POLI: variants seen among roughly 807,000 people sequenced by gnomAD.
POLI encodes DNA polymerase iota.
A neutral mutation model predicts 51.6 loss-of-function variants in POLI; 58 were observed. That is an observed-to-expected ratio of 1.12 (90% CI 0.91 to 1.40). POLI has a LOEUF of 1.40. POLI is among the 40% of genes most tolerant of loss of function. POLI has a pLI of 0.00. For missense variants in POLI, 921 were observed against 871.3 expected, an observed-to-expected ratio of 1.06 and a Z score of -0.72; for synonymous variants, 322 against 299.7, an observed-to-expected ratio of 1.07 and a Z score of -0.77.
chr18:54,276,869 A>T (rs982945392), intron 3 of POLI, among the ~76,000 whole-genome samples: 5 of 152,242 alleles, frequency 3.3e-5, no homozygotes, highest in African/African-American at 1.2e-4. Flanking sequence ...GCTTCAGATT[A>T]TATGACCTTA....
intron 5 of POLI, among the ~76,000 whole-genome samples, chr18:54,281,379 T>TTA (rs1265948986): frequency 1.3e-5 from 2 of 152,296 alleles, no homozygotes; most frequent in East Asian, 3.9e-4. Context: ...GGTGACCTAT[T>TTA]TAGGTCATGG....
intron 8 of POLI, among the ~76,000 whole-genome samples, chr18:54,290,166 A>G (rs2087938000): frequency 6.6e-6 from 1 of 152,262 alleles, no homozygotes; most frequent in Non-Finnish European, 1.5e-5. Context: ...AAAGTGGGCA[A>G]AGGATATGAA....
chr18:54,277,654 C>A, intron 3 of POLI, 49 bp from the exon 4 acceptor site: 2 of 1,203,776 alleles, frequency 1.7e-6, no homozygotes, highest in Non-Finnish European at 1.2e-6. Context: ...TAAATTTATC[C>A]TAGTTATAAC....
At chr18:54,276,267 A>G (rs1374548653) in intron 3 of POLI, among the ~76,000 whole-genome samples, 1 of 151,898 alleles carries the variant, frequency 6.6e-6, no homozygotes, top group Non-Finnish European at 1.5e-5. Flanking sequence ...AGGCCGAGGT[A>G]GGAGGATTGC....
chr18:54,285,740 A>G (rs973915437), intron 7 of POLI, among the ~76,000 whole-genome samples: 3 of 152,150 alleles, frequency 2.0e-5, no homozygotes, highest in Admixed American at 6.5e-5. Flanking sequence ...TGCATAATTA[A>G]TATAACACGT....
At chr18:54,278,920 G>A (rs1215847457) in intron 4 of POLI, among the ~76,000 whole-genome samples, 4 of 152,282 alleles carry the variant, frequency 2.6e-5, no homozygotes, top group African/African-American at 9.6e-5. Flanking sequence ...CTACAGAATA[G>A]TTCTCCACAG....
intron 3 of POLI, among the ~76,000 whole-genome samples, chr18:54,313,174 C>G (rs775730851): frequency 2.6e-5 from 4 of 152,116 alleles, no homozygotes; most frequent in Non-Finnish European, 5.9e-5. Context: ...TATGGATAGC[C>G]AGTTATCCCA....
chr18:54,306,909 T>C (rs1018985933), intron 3 of POLI, among the ~76,000 whole-genome samples: 1 of 152,204 alleles, frequency 6.6e-6, no homozygotes, highest in African/African-American at 2.4e-5. Flanking sequence ...TTCTATGGGA[T>C]CGGTAGTGAT....
intron 7 of POLI, among the ~76,000 whole-genome samples, chr18:54,286,078 G>A (rs1287476538): frequency 6.6e-6 from 1 of 151,820 alleles, no homozygotes; most frequent in African/African-American, 2.4e-5. Context: ...TGCCCAGGCT[G>A]GTCTTGAACT....
intron 3 of POLI, among the ~76,000 whole-genome samples, chr18:54,308,249 C>T (rs1599277763): frequency 6.6e-6 from 1 of 152,104 alleles, no homozygotes; most frequent in African/African-American, 2.4e-5. Context: ...TTAGTGCTTC[C>T]TTCAGGAGCT....
At chr18:54,291,510 C>G (rs1429272859) in intron 8 of POLI, 7 of 196,862 alleles carry the variant, frequency 3.6e-5, no homozygotes, top group African/African-American at 1.4e-4. Flanking sequence ...GTTCATAGAT[C>G]AGTACTTCTC....
chr18:54,315,429 G>A (rs1039770898), intron 3 of POLI, among the ~76,000 whole-genome samples: 2 of 152,108 alleles, frequency 1.3e-5, no homozygotes, highest in Admixed American at 6.6e-5. Context: ...TGAGAAGAAT[G>A]TATATTCTGT....
At chr18:54,282,755 T>G in intron 5 of POLI, 82 bp from the exon 6 acceptor site, 1 of 742,844 alleles carries the variant, frequency 1.3e-6, no homozygotes, top group Non-Finnish European at 2.1e-6. Flanking sequence ...AAAGATAAGA[T>G]TGATATATTT....
intron 3 of POLI, among the ~76,000 whole-genome samples, chr18:54,319,788 T>G (rs1181055193): frequency 1.3e-5 from 2 of 152,202 alleles, no homozygotes; most frequent in African/African-American, 4.8e-5. Flanking sequence ...TATTTCCTTT[T>G]AATTTGTTTG....
At chr18:54,270,581 T>A (rs533500181) in intron 1 of POLI, 140 of 152,354 alleles carry the variant, frequency 9.2e-4, no homozygotes, top group African/African-American at 3.2e-3. Flanking sequence ...ATACTATTAA[T>A]TGAACTACAC....
At chr18:54,274,929 G>A (rs1698892233) in intron 3 of POLI, 1 of 152,094 alleles carries the variant, frequency 6.6e-6, no homozygotes, top group Admixed American at 6.5e-5. Flanking sequence ...AAAGGACAAA[G>A]GATATGAATA....
At chr18:54,317,341 C>G (rs191654498) in intron 3 of POLI, among the ~76,000 whole-genome samples, 70 of 152,224 alleles carry the variant, frequency 4.6e-4, no homozygotes, top group Non-Finnish European at 8.5e-4. Flanking sequence ...TTGTATGTCA[C>G]TGAGATTTTG....
intron 3 of POLI, among the ~76,000 whole-genome samples, chr18:54,275,744 T>C (rs2087212268): frequency 6.6e-6 from 1 of 152,222 alleles, no homozygotes; most frequent in Non-Finnish European, 1.5e-5. Flanking sequence ...ACGTATTCAC[T>C]TGCACCTGTT....
chr18:54,277,077 A>G (rs2087276967), intron 3 of POLI, among the ~76,000 whole-genome samples: 1 of 152,150 alleles, frequency 6.6e-6, no homozygotes, highest in Non-Finnish European at 1.5e-5. Context: ...TCTAGTAAAC[A>G]TTTGACTTGA....
Sources: allele counts gnomAD v4.1 joint callset (sites outside exome capture counted in the v4.1 genomes callset), GRCh38; gene constraint gnomAD v4.1.1; transcripts MANE v1.5; gene names NCBI Gene and HGNC (gene_info 2026-07-23, HGNC 2026-07-21).